CACNA1B: variants seen among roughly 807,000 people sequenced by gnomAD.
CACNA1B encodes the protein voltage-dependent N-type calcium channel subunit alpha-1B.
Under a neutral mutation model 247.2 loss-of-function variants are expected in CACNA1B, and 70 were observed. The observed-to-expected ratio is 0.28, with a 90% CI of 0.23 to 0.35. The LOEUF (loss-of-function observed/expected upper bound fraction) is 0.35. Ranked by LOEUF, CACNA1B falls within the 10% of genes least tolerant of loss-of-function variation. CACNA1B has a pLI of 1.00. For missense variants in CACNA1B, 2,367 were observed against 3,197.4 expected (o/e 0.74, Z 6.26); for synonymous variants, 1,231 against 1,294.4 (o/e 0.95, Z 1.05).
chr9:137,880,733 C>A lies in CACNA1B; in HGVS notation c.390+1574C>A, dbSNP rs935626203. 3.3e-5 allele frequency among the ~76,000 whole-genome samples: 5 copies of A among 152,264 alleles called. 1 individual carries two copies. In the East Asian group the frequency reaches 9.7e-4, roughly 29 times the overall value. ...GGGGAGCTCTTGACCAGTCCCAGTCCCATGTGCAGGCCCAGCCATTGATGT... is the reference window on the plus strand; with the variant it reads ...GGGGAGCTCTTGACCAGTCCCAGTCACATGTGCAGGCCCAGCCATTGATGT... On this transcript the variant is annotated intron_variant, in intron 2 of 46. Coordinates refer to ENST00000371372, the MANE Select transcript of CACNA1B (RefSeq NM_000718.4). The surrounding 1 kb of genome is among the most constrained non-coding windows in gnomAD (Gnocchi z 4.8).
chr9:137,924,304 C>T (rs1229772694), intron 6 of CACNA1B, among the ~76,000 whole-genome samples: 1 of 149,858 alleles, frequency 6.7e-6, no homozygotes, highest in East Asian at 2.0e-4. Flanking sequence ...TGCCTGCCTT[C>T]CTTCCTTCCT....
intron 20 of CACNA1B, among the ~76,000 whole-genome samples, chr9:138,029,952 G>T (rs1958968938): frequency 6.6e-6 from 1 of 152,104 alleles, no homozygotes; most frequent in African/African-American, 2.4e-5. Flanking sequence ...ATGTAATTTT[G>T]GCTTATATTT....
At chr9:138,036,203 A>G (rs1056292569) in intron 20 of CACNA1B, among the ~76,000 whole-genome samples, 9 of 151,588 alleles carry the variant, frequency 5.9e-5, no homozygotes, top group East Asian at 5.9e-4. Flanking sequence ...GCAGTGGCGC[A>G]ATCTTGGCTC....
chr9:138,073,545 C>T lies in CACNA1B; in HGVS notation c.4732C>T (p.Leu1578=). Reference sequence around the variant, plus strand: ...CTTTCGAGCTGCGCGGCTGATCAAGCTGCTCCGCCAGGGCTACACCATCCG... The same window carrying T: ...CTTTCGAGCTGCGCGGCTGATCAAGTTGCTCCGCCAGGGCTACACCATCCG... ...RLFRAARLIK[L]LRQGYTIRIL... The change falls in exon 33 of 47, where the codon CTG becomes TTG. Residue 1578 remains leucine (L), a synonymous_variant. Coordinates refer to ENST00000371372, the MANE Select transcript of CACNA1B (RefSeq NM_000718.4). This position sits in a 1 kb window ranked among gnomAD's most constrained non-coding sequence, Gnocchi z 6.4. 6.2e-7 allele frequency: 1 copy of T among 1,613,584 alleles called. No homozygotes were observed. Among genetic ancestry groups the T allele is most frequent in the Non-Finnish European group, 8.5e-7 (1 of 1,179,588 alleles).
Position 138,051,025 on chromosome 9 carries a change from C to T in CACNA1B, c.3711-1067C>T, listed in dbSNP as rs533219786. On this transcript the variant is annotated intron_variant, in intron 24 of 46. Coordinates refer to ENST00000371372, the MANE Select transcript of CACNA1B (RefSeq NM_000718.4). This position sits in a 1 kb window ranked among gnomAD's most constrained non-coding sequence, Gnocchi z 4.3. ...CTAGAAGCAGGCCTTCCCCAGGGAG[C>T]GTGGTGGGACGTGGCCTCTGAGCAG... is the stretch of plus-strand genomic sequence containing the variant. Among the ~76,000 whole-genome samples the T allele has an allele frequency of 8.9e-4, 135 of 152,200 alleles. No homozygotes were observed. The highest frequency in any genetic ancestry group is 3.1e-3 in the African/African-American group (127 of 41,548).
chr9:138,081,211 G>A (rs1168123794), intron 36 of CACNA1B, among the ~76,000 whole-genome samples: 6 of 152,176 alleles, frequency 3.9e-5, no homozygotes, highest in South Asian at 4.1e-4. Flanking sequence ...ACCACACCAC[G>A]TACAGGGCCA....
At chr9:138,028,018 C>A (rs982514375) in intron 20 of CACNA1B, among the ~76,000 whole-genome samples, 2 of 150,044 alleles carry the variant, frequency 1.3e-5, no homozygotes, top group African/African-American at 4.9e-5. Context: ...CCACTCCCCC[C>A]CAACCTTTTT....
chr9:138,102,685 C>T lies in CACNA1B; in HGVS notation c.5223-26C>T. Reference sequence around the variant, plus strand: ...CTCCTGTGGACCACCCCACTGTGCCCTGGCCTCGCTGGGACGGGTTTCCAG... The same window carrying T: ...CTCCTGTGGACCACCCCACTGTGCCTTGGCCTCGCTGGGACGGGTTTCCAG... On this transcript the variant is annotated intron_variant, in intron 37 of 46. Transcript: ENST00000371372. This position sits in a 1 kb window ranked among gnomAD's most constrained non-coding sequence, Gnocchi z 5.4. 1 of 1,524,994 alleles carries T rather than the reference C, an allele frequency of 6.6e-7. No homozygotes were observed. The highest frequency in any genetic ancestry group is 9.0e-7 in the Non-Finnish European group (1 of 1,105,064). 94.5% of individuals were successfully genotyped at this position (1,524,994 alleles called of 1,614,324 possible). A position where few individuals can be genotyped will look rare whatever the true frequency, so the allele number is the denominator to read the frequency against.
chr9:138,023,609 G>A lies in CACNA1B; in HGVS notation c.2866G>A (p.Ala956Thr). Residue 956 changes from alanine (A) to threonine (T), a missense_variant, in exon 19 of 47, where the codon GCG (alanine) becomes ACG (threonine). Ala to Thr is a moderately conservative substitution (Grantham distance 58). Coordinates refer to ENST00000371372, the MANE Select transcript of CACNA1B (RefSeq NM_000718.4). ...CGCCGGCGCCAAGGGCGAGCGGCGC[G>A]CGCGGCACCGCGGCGGCCCCCGAGC... ...ECAGAKGERR[A>T]RHRGGPRAGP... 9 of 1,132,724 alleles carry A rather than the reference G, an allele frequency of 7.9e-6. No homozygotes were observed. The highest frequency in any genetic ancestry group is 9.8e-6 in the Non-Finnish European group (9 of 922,912). 70.2% of individuals were successfully genotyped at this position (1,132,724 alleles called of 1,614,324 possible). A position where few individuals can be genotyped will look rare whatever the true frequency, so the allele number is the denominator to read the frequency against.
Position 138,049,936 on chromosome 9 carries a change from G to A in CACNA1B, c.3710+621G>A, listed in dbSNP as rs187618070. ...ATGGGAATACGGCGGGGAGTTGTGGGGTGAGATCCAGAGACAAGGAAGACC... is the reference window on the plus strand; with the variant it reads ...ATGGGAATACGGCGGGGAGTTGTGGAGTGAGATCCAGAGACAAGGAAGACC... On this transcript the variant is annotated intron_variant, in intron 24 of 46. Transcript: ENST00000371372. The A allele has an allele frequency of 4.0e-3, 1,952 of 487,208 alleles. 33 individuals carry two copies. Among genetic ancestry groups the A allele is most frequent in the African/African-American group, 0.034 (1,708 of 50,860 alleles). The allele number at this position is 487,208 out of a possible 1,614,324, so 30.2% of individuals were successfully genotyped here.
Position 137,954,665 on chromosome 9 carries a change from G to T in CACNA1B, c.1071-1033G>T, listed in dbSNP as rs1388952479. On this transcript the variant is annotated intron_variant, in intron 7 of 46. Transcript: ENST00000371372. This position sits in a 1 kb window ranked among gnomAD's most constrained non-coding sequence, Gnocchi z 4.1. The stretch of plus-strand genomic sequence containing the variant: ...TGCCTTCCTGTAGATTTGGGACTTG[G>T]GATGCCCAGATGGGAGGGTGCACCT... Among the ~76,000 whole-genome samples, 1 of 152,156 alleles carries T rather than the reference G, an allele frequency of 6.6e-6. No homozygotes were observed. The highest frequency in any genetic ancestry group is 2.4e-5 in the African/African-American group (1 of 41,432).
chr9:137,901,942 C>T (rs1027398490), intron 3 of CACNA1B, among the ~76,000 whole-genome samples: 9 of 152,112 alleles, frequency 5.9e-5, no homozygotes, highest in Admixed American at 1.3e-4. Flanking sequence ...CCACCCGCCT[C>T]GACCTCCCAA....
intron 7 of CACNA1B, among the ~76,000 whole-genome samples, chr9:137,953,238 G>A (rs970298551): frequency 6.6e-6 from 1 of 152,352 alleles, no homozygotes; most frequent in South Asian, 2.1e-4. Flanking sequence ...TAGGAAGGAG[G>A]TGGAAGGCAT....
chr9:138,090,960 T>C (rs1214292759), intron 36 of CACNA1B, among the ~76,000 whole-genome samples: 4 of 152,104 alleles, frequency 2.6e-5, no homozygotes, highest in East Asian at 1.9e-4. Flanking sequence ...AGAACTCTTA[T>C]ACACTCTTGG....
chr9:137,933,819 C>T (rs1016315593), intron 6 of CACNA1B, among the ~76,000 whole-genome samples: 1 of 152,038 alleles, frequency 6.6e-6, no homozygotes, highest in Non-Finnish European at 1.5e-5. Flanking sequence ...AAGGGAAGCT[C>T]TGTTGTGAAA....
chr9:137,909,924 C>T (rs1024734406), intron 3 of CACNA1B, among the ~76,000 whole-genome samples: 1 of 152,094 alleles, frequency 6.6e-6, no homozygotes, highest in African/African-American at 2.4e-5. Flanking sequence ...GCCCCCATCA[C>T]CATGCCTGGC....
intron 3 of CACNA1B, among the ~76,000 whole-genome samples, chr9:137,884,566 G>A (rs111286863): frequency 0.14 from 19,861 of 144,266 alleles, 1,525 homozygotes; most frequent in Admixed American, 0.17. Flanking sequence ...AGTCCCTGAG[G>A]ACAACGGTGC....
rs199775653 is a variant in CACNA1B at position 138,122,769 on chromosome 9, C to G, written c.*770C>G. On this transcript the variant is annotated 3_prime_UTR_variant, in exon 47 of 47. Transcript: ENST00000371372. Reference sequence around the variant, plus strand: ...AGGAGACTCCCTGTGCAGCCCTGTCCGGTCCAGGTGGACGTAGACGGCCCC... The same window carrying G: ...AGGAGACTCCCTGTGCAGCCCTGTCGGGTCCAGGTGGACGTAGACGGCCCC... 1 of 152,246 alleles carries G rather than the reference C, an allele frequency of 6.6e-6. No homozygotes were observed. Among genetic ancestry groups the G allele is most frequent in the Non-Finnish European group, 1.5e-5 (1 of 68,062 alleles). The allele number at this position is 152,246 out of a possible 1,614,324, so 9.4% of individuals were successfully genotyped here.
At position 137,913,293 on chromosome 9, in the gene CACNA1B, C is replaced by G; in HGVS notation, c.622+22C>G. ...CCAAGTGAGTCCAGCGAAGACAGGC[C>G]CAAGCCGGCTTGGAGTAACAACCTC... On this transcript the variant is annotated intron_variant, in intron 4 of 46. Coordinates refer to ENST00000371372, the MANE Select transcript of CACNA1B (RefSeq NM_000718.4). This position sits in a 1 kb window ranked among gnomAD's most constrained non-coding sequence, Gnocchi z 5.2. 1 of 1,590,028 alleles carries G rather than the reference C, an allele frequency of 6.3e-7. No homozygotes were observed. The highest frequency in any genetic ancestry group is 1.1e-5 in the South Asian group (1 of 90,476).
Sources: allele counts gnomAD v4.1 joint callset (sites outside exome capture counted in the v4.1 genomes callset), GRCh38; gene constraint gnomAD v4.1.1; non-coding constraint Gnocchi (gnomAD v3.1); transcripts MANE v1.5; gene names NCBI Gene and HGNC (gene_info 2026-07-23, HGNC 2026-07-21).